Variants in ATAD2B observed in about 807,000 individuals in gnomAD.
ATAD2B encodes the protein ATPase family AAA domain containing 2B, also known as ATPase family AAA domain-containing protein 2B.
Under a neutral mutation model 167.6 loss-of-function variants are expected in ATAD2B, and 40 were observed. That is an observed-to-expected ratio of 0.24 (90% CI 0.19 to 0.31). The LOEUF is 0.31. ATAD2B is among the 10% of genes least tolerant of loss of function. The pLI is 1.00. For missense variants in ATAD2B, 1,242 were observed against 1,757.2 expected, an observed-to-expected ratio of 0.71 and a Z score of 5.24; for synonymous variants, 579 against 596.5, an observed-to-expected ratio of 0.97 and a Z score of 0.43.
chr2:23,882,729 G>C (rs1698119187), intron 6 of ATAD2B, among the ~76,000 whole-genome samples: 1 of 151,720 alleles, frequency 6.6e-6, no homozygotes. Context: ...AGAATGGCAT[G>C]AACCCAGGAG....
At chr2:23,694,991 C>T in the ATAD2B span, among the ~76,000 whole-genome samples, 2 of 152,106 alleles carry the variant, frequency 1.3e-5, no homozygotes, top group East Asian at 1.9e-4. Context: ...ATGGTGGTCT[C>T]GTTACTCATG....
chr2:23,917,379 A>G (rs1210888534), intron 1 of ATAD2B, among the ~76,000 whole-genome samples: 4 of 152,246 alleles, frequency 2.6e-5, no homozygotes, highest in Non-Finnish European at 4.4e-5. Context: ...ACTAATGCAA[A>G]TCTTCACATA....
chr2:23,913,387 C>G (rs1702571853), intron 1 of ATAD2B, among the ~76,000 whole-genome samples: 1 of 152,184 alleles, frequency 6.6e-6, no homozygotes, highest in Admixed American at 6.5e-5. Flanking sequence ...CGCCTGTAAT[C>G]CCAGCACTTT....
At chr2:23,706,737 A>G in the ATAD2B span, 1 of 1,144,350 alleles carries the variant, frequency 8.7e-7, no homozygotes, top group South Asian at 1.9e-5. Flanking sequence ...ATAATTTTCC[A>G]GCGACACCAA....
intron 1 of ATAD2B, among the ~76,000 whole-genome samples, chr2:23,914,758 C>T (rs1001174913): frequency 4.6e-5 from 7 of 151,368 alleles, no homozygotes; most frequent in Non-Finnish European, 8.8e-5. Context: ...AGGAGAATGG[C>T]GTGAACCCCG....
intron 17 of ATAD2B, among the ~76,000 whole-genome samples, chr2:23,818,719 T>G (rs55765125): frequency 0.082 from 12,545 of 152,264 alleles, 625 homozygotes; most frequent in South Asian, 0.12. Context: ...AGAAGTGCTA[T>G]TAGATCTACC....
chr2:23,779,440 G>T (rs1679668977), intron 22 of ATAD2B, among the ~76,000 whole-genome samples: 1 of 152,090 alleles, frequency 6.6e-6, no homozygotes, highest in South Asian at 2.1e-4. Context: ...CTCCCAAAGT[G>T]CTGGGATTAC....
chr2:23,899,533 C>A (rs540447337), intron 1 of ATAD2B, among the ~76,000 whole-genome samples: 51 of 152,230 alleles, frequency 3.4e-4, no homozygotes, highest in Non-Finnish European at 6.9e-4. Flanking sequence ...TTATAACAAT[C>A]CTTTGTCAGT....
At chr2:23,881,698 A>T (rs1697932030) in intron 6 of ATAD2B, among the ~76,000 whole-genome samples, 1 of 151,634 alleles carries the variant, frequency 6.6e-6, no homozygotes, top group Non-Finnish European at 1.5e-5. Flanking sequence ...TTAAAAAATA[A>T]ATTATAATGT....
intron 8 of ATAD2B, 81 bp from the exon 9 acceptor site, chr2:23,869,842 C>G: frequency 1.2e-6 from 1 of 861,600 alleles, no homozygotes; most frequent in East Asian, 2.7e-5. Context: ...CTACAATTAG[C>G]TCAGAGAAAA....
At chr2:23,890,322 C>T (rs573322457) in intron 2 of ATAD2B, among the ~76,000 whole-genome samples, 2 of 152,086 alleles carry the variant, frequency 1.3e-5, no homozygotes, top group Non-Finnish European at 2.9e-5. Context: ...CTAGCCCCCC[C>T]GCCTTTCCTC....
chr2:23,840,466 A>T (rs1263239704), intron 13 of ATAD2B, among the ~76,000 whole-genome samples: 1 of 152,106 alleles, frequency 6.6e-6, no homozygotes, highest in East Asian at 1.9e-4. Context: ...TTTTCCGTTC[A>T]CATATTGTTG....
At chr2:23,925,622 C>A (rs1483401437) in intron 1 of ATAD2B, among the ~76,000 whole-genome samples, 2 of 152,172 alleles carry the variant, frequency 1.3e-5, no homozygotes, top group African/African-American at 4.8e-5. Flanking sequence ...GTAAAACAAA[C>A]GTGTCAATTC....
intron 17 of ATAD2B, 54 bp downstream of exon 17, chr2:23,819,693 A>C (rs1378038745): frequency 2.2e-6 from 3 of 1,353,798 alleles, no homozygotes; most frequent in African/African-American, 1.5e-5. Flanking sequence ...AATTCTAATC[A>C]TAAAGTATCA....
chr2:23,919,169 C>G (rs1385784905), intron 1 of ATAD2B, among the ~76,000 whole-genome samples: 1 of 147,118 alleles, frequency 6.8e-6, no homozygotes, highest in Non-Finnish European at 1.5e-5. Flanking sequence ...ATAAAAAGAC[C>G]CCATCTCTAT....
In ATAD2B at chr2:23,886,166, G is replaced by A. The variant is rs184293486; in HGVS notation, c.573-337C>T. ...TCACCATGTTGCCCAGGCTGTTCTTGAACTCCTGGGCTCAAGCGATTCATT... is the reference window on the plus strand; with the variant it reads ...TCACCATGTTGCCCAGGCTGTTCTTAAACTCCTGGGCTCAAGCGATTCATT... On this transcript the variant is annotated intron_variant, in intron 4 of 27. Coordinates refer to ENST00000238789, the MANE Select transcript of ATAD2B (RefSeq NM_017552.4). Among the ~76,000 whole-genome samples, 21 of 151,802 alleles carry A rather than the reference G, an allele frequency of 1.4e-4. 1 individual carries two copies. The highest frequency in any genetic ancestry group is 1.2e-3 in the Admixed American group (18 of 15,224).
chr2:23,834,152 C>CTTTTTTTTTTTTTTT (rs11378615), intron 13 of ATAD2B, 74 bp from the exon 14 acceptor site: 1 of 116,806 alleles, frequency 8.6e-6, no homozygotes, highest in Non-Finnish European at 1.5e-5. Flanking sequence ...ATCAGTCTTT[C>CTTTTTTTTTTTTTTT]TTTTTTTTTT....
At chr2:23,816,812 AAT>A (rs997927180) in intron 17 of ATAD2B, among the ~76,000 whole-genome samples, 1 of 152,182 alleles carries the variant, frequency 6.6e-6, no homozygotes, top group Non-Finnish European at 1.5e-5. Flanking sequence ...TAAGAAAGAA[AAT>A]TTATTTTCCA....
intron 15 of ATAD2B, among the ~76,000 whole-genome samples, chr2:23,827,557 C>T (rs1427160919): frequency 6.6e-6 from 1 of 152,092 alleles, no homozygotes; most frequent in Non-Finnish European, 1.5e-5. Context: ...ACAGAAAAAT[C>T]TACAAAGATT....
Sources: gnomAD v4.1 joint callset for allele counts (sites outside exome capture counted in the v4.1 genomes callset) on GRCh38, gnomAD v4.1.1 for gene constraint, MANE v1.5 for transcripts, NCBI Gene and HGNC (gene_info 2026-07-23, HGNC 2026-07-21) for gene names.